EMILIN2: variants seen among roughly 807,000 people sequenced by gnomAD.
EMILIN2 encodes the protein elastin microfibril interfacer 2, also known as EMILIN-2.
In EMILIN2, 71 loss-of-function variants were observed where a neutral mutation model predicts 87.1. That is an observed-to-expected ratio of 0.82 (90% CI 0.67 to 0.99). The LOEUF is 0.99. EMILIN2 is among the 50% of genes least tolerant of loss of function. EMILIN2 has a pLI of 0.00. For missense variants in EMILIN2, 1,407 were observed against 1,371.8 expected (o/e 1.03, Z -0.40); for synonymous variants, 581 against 563.4 (o/e 1.03, Z -0.44).
chr18:2,859,663 G>C (rs571175789), intron 2 of EMILIN2, among the ~76,000 whole-genome samples: 1 of 152,216 alleles, frequency 6.6e-6, no homozygotes, highest in East Asian at 1.9e-4. Flanking sequence ...GTCTAGAAGG[G>C]CTTTTCCAAT....
intron 2 of EMILIN2, among the ~76,000 whole-genome samples, chr18:2,865,979 G>C (rs11874586): frequency 2.0e-5 from 3 of 152,218 alleles, no homozygotes; most frequent in African/African-American, 7.2e-5. Flanking sequence ...AGCAATGAGC[G>C]AGGCTTCATG....
intron 6 of EMILIN2, among the ~76,000 whole-genome samples, chr18:2,909,410 G>A (rs73375228): frequency 0.042 from 6,352 of 151,960 alleles, 440 homozygotes; most frequent in African/African-American, 0.15. Context: ...ACACTCACAC[G>A]CACATACACA....
At chr18:2,875,592 C>T (rs2076743603) in intron 2 of EMILIN2, among the ~76,000 whole-genome samples, 1 of 152,228 alleles carries the variant, frequency 6.6e-6, no homozygotes, top group African/African-American at 2.4e-5. Context: ...ATGCCCCACA[C>T]TCACTCCCCA....
chr18:2,909,962 C>A, intron 7 of EMILIN2, 143 bp downstream of exon 7: 1 of 1,134,110 alleles, frequency 8.8e-7, no homozygotes. Flanking sequence ...AGTGGGCCTG[C>A]ACTCCTCTGC....
Position 2,906,890 on chromosome 18 carries a change from CG to C in EMILIN2, c.2469del (p.Val825SerfsTer71). On this transcript the variant is annotated frameshift_variant, in exon 5 of 8. Coordinates refer to ENST00000254528, the MANE Select transcript of EMILIN2 (RefSeq NM_032048.3). LOFTEE classifies it high-confidence loss of function. ...CGCAACCGCAGAGGACCCTGGGCGACGGCCCGTCCTGCCCCAGCGGCCCCCC... is the reference window on the plus strand; with the variant it reads ...CGCAACCGCAGAGGACCCTGGGCGACGCCCGTCCTGCCCCAGCGGCCCCCC... ...GPATAEDPGR[R>X]PVLPQRPPEE... 1 of 1,391,800 alleles carries C rather than the reference CG, an allele frequency of 7.2e-7. No individual in the cohort carries two copies. The highest frequency in any genetic ancestry group is 9.3e-7 in the Non-Finnish European group (1 of 1,071,084). The allele number at this position is 1,391,800 out of a possible 1,614,324, so 86.2% of individuals were successfully genotyped here.
Position 2,847,961 on chromosome 18 carries a change from G to A in EMILIN2, c.257+30G>A. The A allele has an allele frequency of 1.3e-6, 2 of 1,584,198 alleles. No individual in the cohort carries two copies. The highest frequency in any genetic ancestry group is 1.7e-6 in the Non-Finnish European group (2 of 1,168,774). ...GTCCTGGAGCCGGGGAGCGGGCGGG[G>A]CGCGCCCGGGCCGGGGCGGTGGGGG... On this transcript the variant is annotated intron_variant, in intron 2 of 7. Transcript: ENST00000254528. This position sits in a 1 kb window ranked among gnomAD's most constrained non-coding sequence, Gnocchi z 4.5.
Position 2,880,862 on chromosome 18 carries a change from C to CACTTG in EMILIN2, c.258-4099_258-4095dup, listed in dbSNP as rs1425476637. ...GTCTGGGGCTTTTCCACTTTGGCTGCACTTGACAACGACTTGGGGACTTTT... is the reference window on the plus strand; with the variant it reads ...GTCTGGGGCTTTTCCACTTTGGCTGCACTTGACTTGACAACGACTTGGGGACTTTT... On this transcript the variant is annotated intron_variant, in intron 2 of 7. Coordinates refer to ENST00000254528, the MANE Select transcript of EMILIN2 (RefSeq NM_032048.3). This position sits in a 1 kb window ranked among gnomAD's most constrained non-coding sequence, Gnocchi z 4.1. Among the ~76,000 whole-genome samples, 1 of 152,182 alleles carries CACTTG rather than the reference C, an allele frequency of 6.6e-6. No individual in the cohort carries two copies. The highest frequency in any genetic ancestry group is 2.4e-5 in the African/African-American group (1 of 41,434).
intron 2 of EMILIN2, among the ~76,000 whole-genome samples, chr18:2,862,637 G>A (rs1051627668): frequency 3.9e-5 from 6 of 152,136 alleles, no homozygotes; most frequent in African/African-American, 1.4e-4. Flanking sequence ...TTTTATTGAC[G>A]ATTTTTGCAT....
intron 4 of EMILIN2, among the ~76,000 whole-genome samples, chr18:2,895,507 G>A (rs1255077628): frequency 1.3e-5 from 2 of 152,232 alleles, no homozygotes; most frequent in African/African-American, 4.8e-5. Context: ...AACCCCGGCA[G>A]GGCTTGGCTC....
rs931739056 is a variant in EMILIN2, at chr18:2,894,353, G to A, written c.2359+1867G>A. ...GCCCAGGAGGACCAGGAATCTGGCC[G>A]CCACCCGAGTGTCCAGCCCACTGCA... is the stretch of plus-strand genomic sequence containing the variant. On this transcript the variant is annotated intron_variant, in intron 4 of 7. Transcript: ENST00000254528. The surrounding 1 kb of genome is among the most constrained non-coding windows in gnomAD (Gnocchi z 5.0). Among the ~76,000 whole-genome samples, 7 of 152,112 alleles carry A rather than the reference G, an allele frequency of 4.6e-5. No individual in the cohort carries two copies. Among genetic ancestry groups the A allele is most frequent in the Admixed American group, 2.0e-4 (3 of 15,272 alleles).
At chr18:2,876,602 T>C (rs1462178243) in intron 2 of EMILIN2, among the ~76,000 whole-genome samples, 4 of 136,300 alleles carry the variant, frequency 2.9e-5, no homozygotes, top group South Asian at 6.1e-4. Flanking sequence ...CCGTCTCTAC[T>C]AAAAATACAA....
chr18:2,857,549 T>G (rs1248678329), intron 2 of EMILIN2, among the ~76,000 whole-genome samples: 2 of 152,148 alleles, frequency 1.3e-5, no homozygotes, highest in African/African-American at 4.8e-5. Context: ...GCACATATCT[T>G]GAAACGGAGG....
At position 2,891,066 on chromosome 18, in the gene EMILIN2, C is replaced by G; in HGVS notation, c.939C>G (p.Leu313=). Residue 313 remains leucine (L), a synonymous_variant, in exon 4 of 8, where the codon CTC becomes CTG. Transcript: ENST00000254528. This position sits in a 1 kb window ranked among gnomAD's most constrained non-coding sequence, Gnocchi z 4.6. ...GPTVTMTTNE[L]YQAYVDSKID... Reference sequence around the variant, plus strand: ...CGGTGACCATGACAACCAACGAACTCTACCAAGCCTATGTGGACAGTAAGA... The same window carrying G: ...CGGTGACCATGACAACCAACGAACTGTACCAAGCCTATGTGGACAGTAAGA... 2 of 1,614,204 alleles carry G rather than the reference C, an allele frequency of 1.2e-6. No individual in the cohort carries two copies. Among genetic ancestry groups the G allele is most frequent in the Non-Finnish European group, 1.7e-6 (2 of 1,180,048 alleles).
At chr18:2,909,025 C>G (rs200715117) in intron 6 of EMILIN2, 50 bp downstream of exon 6, 1 of 1,605,462 alleles carries the variant, frequency 6.2e-7, no homozygotes, top group East Asian at 2.2e-5. Context: ...CCTTGGTGGC[C>G]TCTGCCCCTC....
intron 4 of EMILIN2, 88 bp downstream of exon 4, chr18:2,892,574 T>C (rs891412746): frequency 2.6e-5 from 38 of 1,475,788 alleles, no homozygotes; most frequent in Non-Finnish European, 3.1e-5. Flanking sequence ...ATTTTTGATA[T>C]TGTTGAAACT....
Position 2,890,489 on chromosome 18 carries a change from G to C in EMILIN2, c.434-72G>C. Reference sequence around the variant, plus strand: ...TGTACATGTATTTTGTAGGTACCTTGTTTATTGTCTTGGCAGAATCTGGCT... The same window carrying C: ...TGTACATGTATTTTGTAGGTACCTTCTTTATTGTCTTGGCAGAATCTGGCT... On this transcript the variant is annotated intron_variant, in intron 3 of 7. Coordinates refer to ENST00000254528, the MANE Select transcript of EMILIN2 (RefSeq NM_032048.3). This position sits in a 1 kb window ranked among gnomAD's most constrained non-coding sequence, Gnocchi z 4.7. The C allele has an allele frequency of 6.7e-7, 1 of 1,502,136 alleles. No individual in the cohort carries two copies. Among genetic ancestry groups the C allele is most frequent in the African/African-American group, 1.4e-5 (1 of 71,500 alleles). 93.1% of individuals were successfully genotyped at this position (1,502,136 alleles called of 1,614,324 possible).
chr18:2,908,146 A>G (rs941386678), intron 5 of EMILIN2, among the ~76,000 whole-genome samples: 1 of 152,188 alleles, frequency 6.6e-6, no homozygotes, highest in Non-Finnish European at 1.5e-5. Context: ...TTCTAAGATA[A>G]CACTTATCTT....
chr18:2,881,862 C>T (rs62075025), intron 2 of EMILIN2, among the ~76,000 whole-genome samples: 2 of 152,350 alleles, frequency 1.3e-5, no homozygotes, highest in African/African-American at 4.8e-5. Context: ...ACAGAGGACT[C>T]CTGCTAGGTG....
intron 2 of EMILIN2, among the ~76,000 whole-genome samples, chr18:2,864,048 C>T (rs905150380): frequency 6.6e-6 from 1 of 152,098 alleles, no homozygotes; most frequent in Non-Finnish European, 1.5e-5. Context: ...GCATCCCCTG[C>T]CTTTTTTTGT....
Sources: allele counts gnomAD v4.1 joint callset (sites outside exome capture counted in the v4.1 genomes callset), GRCh38; gene constraint gnomAD v4.1.1; non-coding constraint Gnocchi (gnomAD v3.1); transcripts MANE v1.5; gene names NCBI Gene and HGNC (gene_info 2026-07-23, HGNC 2026-07-21).